Variants in HELZ observed in about 807,000 individuals in gnomAD.
HELZ encodes ATP-dependent RNA helicase with zinc finger domain.
HELZ carries 23 observed loss-of-function variants against 218.2 expected under a neutral mutation model. The ratio of observed to expected loss-of-function variants is 0.11; its 90% CI spans 0.08 to 0.15. HELZ has a LOEUF of 0.15. Ranked by LOEUF, HELZ falls within the 10% of genes least tolerant of loss-of-function variation. The pLI, the probability that HELZ is intolerant of heterozygous loss-of-function variation, is 1.00. For synonymous variants in HELZ, 814 were observed against 829.4 expected (o/e 0.98, Z 0.32); for missense variants, 1,813 against 2,353.7 (o/e 0.77, Z 4.75).
At position 67,160,474 on chromosome 17, in the gene HELZ, C is replaced by T. The variant is rs1289957833; in HGVS notation, c.2076-112G>A. On this transcript the variant is annotated intron_variant, in intron 16 of 32. Transcript: ENST00000358691. ...ATCCTAATATTATACAATTCCCTTA[C>T]CCTACTCAGTAATCCCTAGCATTAT... 8.8e-6 allele frequency: 6 copies of T among 682,520 alleles called. No homozygotes were observed. The African/African-American group carries it at 1.1e-4, about 12-fold the overall frequency. The allele number at this position is 682,520 out of a possible 1,614,324, so 42.3% of individuals were successfully genotyped here.
chr17:67,169,377 G>A (rs1323407462), intron 13 of HELZ, among the ~76,000 whole-genome samples: 2 of 152,154 alleles, frequency 1.3e-5, no homozygotes, highest in African/African-American at 4.8e-5. Context: ...ATGGTCTTCA[G>A]GCTGCATCAT....
At chr17:67,244,716 A>G (rs2143549570) in intron 1 of HELZ, 1 of 983,840 alleles carries the variant, frequency 1.0e-6, no homozygotes, top group Non-Finnish European at 1.2e-6. Flanking sequence ...CCGAGGCCTG[A>G]GGGGGGGCAT....
At chr17:67,192,487 T>C (rs2039923269) in intron 9 of HELZ, among the ~76,000 whole-genome samples, 1 of 152,210 alleles carries the variant, frequency 6.6e-6, no homozygotes. Flanking sequence ...AATCATTTTA[T>C]GTTTCTTTTC....
intron 12 of HELZ, among the ~76,000 whole-genome samples, chr17:67,186,171 C>A (rs1271232729): frequency 1.3e-5 from 2 of 148,726 alleles, no homozygotes; most frequent in Non-Finnish European, 3.0e-5. Context: ...AAAAAAAAAA[C>A]CCAACTCTTC....
chr17:67,141,704 T>G (rs1294771012), intron 21 of HELZ, among the ~76,000 whole-genome samples: 1 of 151,908 alleles, frequency 6.6e-6, no homozygotes, highest in Non-Finnish European at 1.5e-5. Context: ...TTGTAAGCCC[T>G]AAAGAAACCA....
intron 21 of HELZ, among the ~76,000 whole-genome samples, chr17:67,140,689 T>G (rs947270613): frequency 6.6e-6 from 1 of 152,022 alleles, no homozygotes; most frequent in Non-Finnish European, 1.5e-5. Context: ...GGCTAAAAAT[T>G]TGTCATATTT....
At position 67,158,883 on chromosome 17, in the gene HELZ, A is replaced by G. The variant is rs867379596; in HGVS notation, c.2177+1378T>C. On this transcript the variant is annotated intron_variant, in intron 17 of 32. Transcript: ENST00000358691. ...TAGTCGAGTGACGGATTTAGTGTTC[A>G]TCAGCAACAGCTCTACAGCCCCAAG... Among the ~76,000 whole-genome samples, 7 of 152,208 alleles carry G rather than the reference A, an allele frequency of 4.6e-5. No homozygotes were observed. The South Asian group carries it at 1.0e-3, about 22-fold the overall frequency.
chr17:67,107,678 C>G lies in HELZ; in HGVS notation c.4732G>C (p.Asp1578His), dbSNP rs750573069. 1 of 1,608,830 alleles carries G rather than the reference C, an allele frequency of 6.2e-7. No homozygotes were observed. The highest frequency in any genetic ancestry group is 1.7e-5 in the Admixed American group (1 of 59,174). Residue 1578 changes from aspartate to histidine, a missense_variant, in exon 31 of 33, where the codon GAC becomes CAC. By Grantham distance (81) the Asp-to-His change is moderately conservative. Coordinates refer to ENST00000358691, the MANE Select transcript of HELZ (RefSeq NM_014877.4). ...CGATGAGACAGTTCTCTGATTAAGTCTTGAAACCTACATGAAAACAATAAA... is the reference window on the plus strand; with the variant it reads ...CGATGAGACAGTTCTCTGATTAAGTGTTGAAACCTACATGAAAACAATAAA... ...EVETTYSRFQ[D>H]LIRELSHRDQ...
chr17:67,215,345 C>CA (rs1942201396), intron 5 of HELZ, among the ~76,000 whole-genome samples: 1 of 144,758 alleles, frequency 6.9e-6, no homozygotes, highest in South Asian at 2.2e-4. Flanking sequence ...TGGAGCTATT[C>CA]AAACTTTTTT....
At chr17:67,103,734 TTAGTAAG>T (rs1287454499) in intron 31 of HELZ, among the ~76,000 whole-genome samples, 2 of 152,088 alleles carry the variant, frequency 1.3e-5, no homozygotes, top group African/African-American at 2.4e-5. Context: ...TCTGAAGAAA[TTAGTAAG>T]CTGATCCTAA....
intron 3 of HELZ, chr17:67,225,678 A>C (rs1340709272): frequency 1.3e-5 from 2 of 152,230 alleles, no homozygotes; most frequent in African/African-American, 4.8e-5. Context: ...TGTATTAATT[A>C]GCACCATCTT....
intron 32 of HELZ, among the ~76,000 whole-genome samples, chr17:67,080,797 G>C (rs1284250980): frequency 1.3e-5 from 2 of 152,162 alleles, no homozygotes; most frequent in African/African-American, 4.8e-5. Flanking sequence ...AATCTACATA[G>C]AGAAGATGAA....
At position 67,086,996 on chromosome 17, in the gene HELZ, G is replaced by A; in HGVS notation, c.5327C>T (p.Thr1776Ile). The A allele has an allele frequency of 6.2e-7, 1 of 1,614,038 alleles. No homozygotes were observed. Among genetic ancestry groups the A allele is most frequent in the Non-Finnish European group, 8.5e-7 (1 of 1,180,014 alleles). The change falls in exon 32 of 33, where the codon ACT becomes ATT. Residue 1776 changes from threonine (T) to isoleucine (I), a missense_variant. Coordinates refer to ENST00000358691, the MANE Select transcript of HELZ (RefSeq NM_014877.4). ...SVQPCSEEVS[T>I]PQDSLAQCKE... ...ACACTGAGCCAGACTGTCTTGAGGA[G>A]TGCTTACTTCTTCAGAACAAGGTTG...
intron 24 of HELZ, among the ~76,000 whole-genome samples, chr17:67,127,985 A>C (rs1471128817): frequency 2.0e-5 from 3 of 152,238 alleles, no homozygotes; most frequent in African/African-American, 7.2e-5. Context: ...CCAGTCTCAG[A>C]ACCTTCTTTT....
intron 3 of HELZ, among the ~76,000 whole-genome samples, chr17:67,234,594 C>T (rs2041129560): frequency 6.6e-6 from 1 of 151,664 alleles, no homozygotes; most frequent in South Asian, 2.1e-4. Context: ...CCTGTAATCC[C>T]AGCACTTTGG....
chr17:67,126,730 G>A (rs530562888), intron 24 of HELZ, among the ~76,000 whole-genome samples: 12 of 151,994 alleles, frequency 7.9e-5, no homozygotes, highest in Admixed American at 3.9e-4. Context: ...GCATGGTGGC[G>A]CTTGGCTATA....
chr17:67,204,729 TG>T (rs1598418736), intron 5 of HELZ, among the ~76,000 whole-genome samples: 1 of 152,192 alleles, frequency 6.6e-6, no homozygotes, highest in African/African-American at 2.4e-5. Flanking sequence ...ACGAATCTAT[TG>T]TTTCAATCCA....
chr17:67,077,231 G>C lies in HELZ; in HGVS notation c.*1021C>G, dbSNP rs899895312. On this transcript the variant is annotated 3_prime_UTR_variant, in exon 33 of 33. Coordinates refer to ENST00000358691, the MANE Select transcript of HELZ (RefSeq NM_014877.4). ...AAACAAGACAGCTAGCAAAATATTTGAATTGCCACGTATAATGTCACATTT... is the reference window on the plus strand; with the variant it reads ...AAACAAGACAGCTAGCAAAATATTTCAATTGCCACGTATAATGTCACATTT... 1.3e-5 allele frequency: 2 copies of C among 152,398 alleles called. No homozygotes were observed. The highest frequency in any genetic ancestry group is 1.3e-4 in the Admixed American group (2 of 15,262). 9.4% of individuals were successfully genotyped at this position (152,398 alleles called of 1,614,324 possible). A position where few individuals can be genotyped will look rare whatever the true frequency, so the allele number is the denominator to read the frequency against.
At chr17:67,197,417 C>T (rs139275196) in intron 7 of HELZ, among the ~76,000 whole-genome samples, 1 of 152,220 alleles carries the variant, frequency 6.6e-6, no homozygotes, top group East Asian at 1.9e-4. Flanking sequence ...CTTAGCTATC[C>T]CTATCCTTTA....
Sources: gnomAD v4.1 joint callset for allele counts (sites outside exome capture counted in the v4.1 genomes callset) on GRCh38, gnomAD v4.1.1 for gene constraint, MANE v1.5 for transcripts, NCBI Gene and HGNC (gene_info 2026-07-23, HGNC 2026-07-21) for gene names.